GNAQ: variants seen among roughly 807,000 people sequenced by gnomAD.
GNAQ encodes G protein subunit alpha q.
A neutral mutation model predicts 43.9 loss-of-function variants in GNAQ; 8 were observed. The ratio of observed to expected loss-of-function variants is 0.18; its 90% CI spans 0.11 to 0.33. GNAQ has a LOEUF of 0.33. Ranked by LOEUF, GNAQ falls within the 10% of genes least tolerant of loss-of-function variation. The probability of loss-of-function intolerance (pLI) is 1.00; values close to 1 mark genes in which losing one functional copy is unlikely to be tolerated. For missense variants in GNAQ, 158 were observed against 450.8 expected, an observed-to-expected ratio of 0.35 and a Z score of 5.88; for synonymous variants, 155 against 170.7, an observed-to-expected ratio of 0.91 and a Z score of 0.71.
At chr9:77,906,874 C>A (rs1334496230) in intron 2 of GNAQ, among the ~76,000 whole-genome samples, 1 of 152,188 alleles carries the variant, frequency 6.6e-6, no homozygotes, top group African/African-American at 2.4e-5. Context: ...GGACAGTGAA[C>A]CTACATTTGT....
At chr9:77,882,503 A>G (rs1402436728) in intron 2 of GNAQ, among the ~76,000 whole-genome samples, 1 of 152,228 alleles carries the variant, frequency 6.6e-6, no homozygotes, top group African/African-American at 2.4e-5. Context: ...ATACTGGTGA[A>G]CAACCAGAGA....
At chr9:77,994,795 CA>C (rs907308835) in intron 1 of GNAQ, among the ~76,000 whole-genome samples, 6 of 152,132 alleles carry the variant, frequency 3.9e-5, no homozygotes, top group African/African-American at 1.4e-4. Flanking sequence ...CTTGAAAATT[CA>C]AAACATTCCT....
At chr9:77,906,584 C>A (rs1019711642) in intron 2 of GNAQ, among the ~76,000 whole-genome samples, 3 of 152,162 alleles carry the variant, frequency 2.0e-5, no homozygotes, top group African/African-American at 7.2e-5. Flanking sequence ...AAAAAAATCA[C>A]TATTTTGTAT....
At chr9:77,873,857 G>A (rs1280090802) in intron 2 of GNAQ, among the ~76,000 whole-genome samples, 6 of 152,174 alleles carry the variant, frequency 3.9e-5, no homozygotes, top group Non-Finnish European at 8.8e-5. Flanking sequence ...TGTAATCCCA[G>A]CACTTTGGGA....
At chr9:77,857,646 G>GGAAGAAAA (rs1827778592) in intron 2 of GNAQ, among the ~76,000 whole-genome samples, 1 of 100,812 alleles carries the variant, frequency 9.9e-6, no homozygotes, top group African/African-American at 4.4e-5. Context: ...ACGGAAAGGG[G>GGAAGAAAA]GGAAGGAGGG....
At chr9:78,020,493 G>C (rs941375512) in intron 1 of GNAQ, among the ~76,000 whole-genome samples, 1 of 152,034 alleles carries the variant, frequency 6.6e-6, no homozygotes, top group African/African-American at 2.4e-5. Flanking sequence ...TTCCACCAAG[G>C]CGTCTACACT....
At chr9:77,832,861 GACAC>G (rs1827322840) in intron 2 of GNAQ, among the ~76,000 whole-genome samples, 1 of 152,214 alleles carries the variant, frequency 6.6e-6, no homozygotes, top group African/African-American at 2.4e-5. Flanking sequence ...CCACTGGCCA[GACAC>G]ACACAAGCTG....
intron 1 of GNAQ, among the ~76,000 whole-genome samples, chr9:77,982,800 G>A (rs1823384529): frequency 1.3e-5 from 2 of 150,954 alleles, no homozygotes. Flanking sequence ...CTGTCGTGGA[G>A]TGGGGAGAGG....
At chr9:77,819,168 T>C (rs1178032570) in intron 2 of GNAQ, among the ~76,000 whole-genome samples, 1 of 152,168 alleles carries the variant, frequency 6.6e-6, no homozygotes, top group Non-Finnish European at 1.5e-5. Context: ...CTTAGCAAGC[T>C]GGTGGCAAGG....
chr9:77,762,112 G>A (rs1587904392), intron 5 of GNAQ, among the ~76,000 whole-genome samples: 4 of 137,644 alleles, frequency 2.9e-5, no homozygotes, highest in Admixed American at 7.0e-5. Context: ...CGCCCCATCC[G>A]GGAGGGAGGT....
In GNAQ at chr9:77,840,371, ACGGAGT is replaced by A. The variant is rs199822649; in HGVS notation, c.322-24607_322-24602del. Reference sequence around the variant, plus strand: ...ACTTTTTGTTTTTTTTTTTTTTTAGACGGAGTCGGAGTCGGAGTACAGTGGCATAAT... The same window carrying A: ...ACTTTTTGTTTTTTTTTTTTTTTAGACGGAGTCGGAGTACAGTGGCATAAT... On this transcript the variant is annotated intron_variant, in intron 2 of 6. Coordinates refer to ENST00000286548, the MANE Select transcript of GNAQ (RefSeq NM_002072.5). Among the ~76,000 whole-genome samples the A allele has an allele frequency of 9.6e-3, 1,313 of 137,238 alleles. 19 individuals are homozygous for A. The highest frequency in any genetic ancestry group is 0.033 in the African/African-American group (1,257 of 38,148). 90.0% of individuals were successfully genotyped at this position (137,238 alleles called of 152,430 possible).
chr9:77,908,775 C>T (rs1828753035), intron 2 of GNAQ, among the ~76,000 whole-genome samples: 2 of 152,186 alleles, frequency 1.3e-5, no homozygotes, highest in Non-Finnish European at 2.9e-5. Context: ...GAGTCAGTTA[C>T]TTCCAAGAGG....
chr9:77,907,123 T>C (rs980320020), intron 2 of GNAQ, among the ~76,000 whole-genome samples: 4 of 152,250 alleles, frequency 2.6e-5, no homozygotes, highest in South Asian at 2.1e-4. Context: ...TATGTTCACA[T>C]ACCAGAGGTG....
At chr9:77,801,593 G>C (rs1320391261) in intron 3 of GNAQ, among the ~76,000 whole-genome samples, 3 of 152,144 alleles carry the variant, frequency 2.0e-5, no homozygotes, top group Admixed American at 2.0e-4. Flanking sequence ...TTGAATAATA[G>C]AGAGAAAGGC....
chr9:77,942,350 A>G (rs1270815870), intron 1 of GNAQ, among the ~76,000 whole-genome samples: 1 of 152,208 alleles, frequency 6.6e-6, no homozygotes, highest in Non-Finnish European at 1.5e-5. Context: ...AGGAATTTGA[A>G]TATTATATAA....
At chr9:77,750,829 A>G (rs567965202) in intron 5 of GNAQ, among the ~76,000 whole-genome samples, 9 of 149,554 alleles carry the variant, frequency 6.0e-5, no homozygotes, top group African/African-American at 2.2e-4. Flanking sequence ...ATTTCTATAC[A>G]CTCCCCCAAC....
chr9:77,922,993 A>G (rs1829019685), intron 1 of GNAQ, among the ~76,000 whole-genome samples: 2 of 151,514 alleles, frequency 1.3e-5, no homozygotes, highest in East Asian at 2.0e-4. Context: ...AACTACAGGC[A>G]TGCACTACGA....
chr9:77,904,444 T>C (rs1031531009), intron 2 of GNAQ, among the ~76,000 whole-genome samples: 5 of 148,362 alleles, frequency 3.4e-5, no homozygotes, highest in Non-Finnish European at 7.4e-5. Context: ...CCCATTCTCC[T>C]GCCTCAGCCT....
intron 2 of GNAQ, among the ~76,000 whole-genome samples, chr9:77,851,596 T>G (rs1587945188): frequency 6.6e-6 from 1 of 152,194 alleles, no homozygotes; most frequent in East Asian, 1.9e-4. Context: ...TCTCCAAGCC[T>G]TTATTACGTA....
Sources: gnomAD v4.1 joint callset for allele counts (sites outside exome capture counted in the v4.1 genomes callset) on GRCh38, gnomAD v4.1.1 for gene constraint, MANE v1.5 for transcripts, NCBI Gene and HGNC (gene_info 2026-07-23, HGNC 2026-07-21) for gene names.